The following FHL5 variants were observed in gnomAD, a reference collection of about 807,000 sequenced individuals.
FHL5 encodes four and a half LIM domains protein 5.
Under a neutral mutation model 32.0 loss-of-function variants are expected in FHL5, and 33 were observed. The ratio of observed to expected loss-of-function variants is 1.03; its 90% CI spans 0.78 to 1.38. The LOEUF (loss-of-function observed/expected upper bound fraction) is 1.38. Among genes scored for constraint, FHL5 ranks in the 40% most tolerant of loss-of-function variants. The pLI is 0.00. For synonymous variants in FHL5, 114 were observed against 113.6 expected, an observed-to-expected ratio of 1.00 and a Z score of -0.02; for missense variants, 336 against 343.9, an observed-to-expected ratio of 0.98 and a Z score of 0.18.
In FHL5 at chr6:96,618,619, A is replaced by G. The variant is rs1562069304; in HGVS notation, c.*2847A>G. Among the ~76,000 whole-genome samples the G allele has an allele frequency of 1.3e-5, 2 of 152,352 alleles. No individual in the cohort carries two copies. Among genetic ancestry groups the G allele is most frequent in the Non-Finnish European group, 2.9e-5 (2 of 68,028 alleles). ...AATAAGTTTGGTTAATGGCTACAAA[A>G]GTGAAAAGAAAGAGGAAGAAGGCAT... On this transcript the variant is annotated 3_prime_UTR_variant, in exon 6 of 6. Coordinates refer to ENST00000450218, the MANE Select transcript of FHL5 (RefSeq NM_001322466.2).
chr6:96,573,436 A>G (rs1454949502), intron 1 of FHL5, among the ~76,000 whole-genome samples: 3 of 152,128 alleles, frequency 2.0e-5, no homozygotes, highest in Admixed American at 1.3e-4. Flanking sequence ...GATTTCATTT[A>G]TAAAAATGAT....
At chr6:96,597,553 T>C (rs1467980470) in intron 1 of FHL5, among the ~76,000 whole-genome samples, 2 of 152,242 alleles carry the variant, frequency 1.3e-5, no homozygotes, top group Non-Finnish European at 2.9e-5. Flanking sequence ...AAGTCATCAA[T>C]GATTATATTT....
intron 1 of FHL5, among the ~76,000 whole-genome samples, chr6:96,572,833 G>A (rs1423906558): frequency 6.6e-6 from 1 of 152,198 alleles, no homozygotes; most frequent in Admixed American, 6.5e-5. Context: ...CCACTTGGGG[G>A]ATGGGATGGT....
chr6:96,592,591 T>C (rs1334739726), intron 1 of FHL5, among the ~76,000 whole-genome samples: 3 of 152,152 alleles, frequency 2.0e-5, no homozygotes, highest in Non-Finnish European at 4.4e-5. Context: ...AAAACAGGCA[T>C]AGGAAATCAC....
intron 1 of FHL5, among the ~76,000 whole-genome samples, chr6:96,574,164 G>T (rs57933707): frequency 0.017 from 2,512 of 152,096 alleles, 57 homozygotes; most frequent in African/African-American, 0.058. Flanking sequence ...ATGACTTCTA[G>T]TATTATTTTT....
chr6:96,566,926 G>A (rs1007565889), intron 1 of FHL5, among the ~76,000 whole-genome samples: 1 of 151,662 alleles, frequency 6.6e-6, no homozygotes, highest in African/African-American at 2.4e-5. Flanking sequence ...ACTTTCTCCT[G>A]TCCTGCAGGT....
rs1398362900 is a variant in FHL5 at position 96,594,251 on chromosome 6, ATATATATATATATATATATATATG to A, written c.-12-9347_-12-9324del. On this transcript the variant is annotated intron_variant, in intron 1 of 5. Transcript: ENST00000450218. ...TTTATATATATATATATATATATAT[ATATATATATATATATATATATATG>A]TATGTATGTATTTACTTCTTGAGGT... 5.2e-5 allele frequency among the ~76,000 whole-genome samples: 7 copies of A among 134,558 alleles called. 1 individual carries two copies. Among genetic ancestry groups the A allele is most frequent in the Admixed American group, 4.6e-4 (6 of 13,008 alleles). 88.3% of individuals were successfully genotyped at this position (134,558 alleles called of 152,430 possible). A position where few individuals can be genotyped will look rare whatever the true frequency, so the allele number is the denominator to read the frequency against.
At chr6:96,589,636 T>G (rs1210481491) in intron 1 of FHL5, among the ~76,000 whole-genome samples, 1 of 152,086 alleles carries the variant, frequency 6.6e-6, no homozygotes, top group African/African-American at 2.4e-5. Flanking sequence ...CTCTCTTTAC[T>G]CTTATTTGTG....
At chr6:96,577,931 C>T (rs935713974) in intron 1 of FHL5, among the ~76,000 whole-genome samples, 6 of 147,766 alleles carry the variant, frequency 4.1e-5, no homozygotes, top group Non-Finnish European at 7.4e-5. Flanking sequence ...AGTTTGTCAG[C>T]TTCTTCTTTC....
At chr6:96,592,926 C>T (rs1770952656) in intron 1 of FHL5, among the ~76,000 whole-genome samples, 1 of 152,076 alleles carries the variant, frequency 6.6e-6, no homozygotes, top group African/African-American at 2.4e-5. Flanking sequence ...AAATTTGGGG[C>T]ATGTATTTTG....
At chr6:96,582,612 G>A (rs553167411) in intron 1 of FHL5, among the ~76,000 whole-genome samples, 6 of 152,154 alleles carry the variant, frequency 3.9e-5, no homozygotes, top group Non-Finnish European at 5.9e-5. Flanking sequence ...TTGTTTCATG[G>A]GAGAGTAGTT....
At chr6:96,593,695 C>G (rs1420593103) in intron 1 of FHL5, among the ~76,000 whole-genome samples, 2 of 152,078 alleles carry the variant, frequency 1.3e-5, no homozygotes, top group African/African-American at 4.8e-5. Context: ...GCTTCTCAGA[C>G]TATTCATTTT....
intron 1 of FHL5, among the ~76,000 whole-genome samples, chr6:96,571,883 T>A (rs1362231324): frequency 1.3e-5 from 2 of 152,068 alleles, no homozygotes; most frequent in Non-Finnish European, 2.9e-5. Context: ...TCCCAGAATG[T>A]GTGGGGCCAA....
At chr6:96,568,468 C>A (rs1450575142) in intron 1 of FHL5, among the ~76,000 whole-genome samples, 9 of 151,826 alleles carry the variant, frequency 5.9e-5, no homozygotes, top group African/African-American at 2.2e-4. Context: ...CAAGGTAACA[C>A]TGGCCTCATA....
chr6:96,605,560 A>G (rs1771258370), intron 3 of FHL5, among the ~76,000 whole-genome samples: 1 of 152,078 alleles, frequency 6.6e-6, no homozygotes, highest in Admixed American at 6.6e-5. Context: ...CATTTTTAAT[A>G]CCCTTGTAAT....
At chr6:96,571,479 G>A (rs990925149) in intron 1 of FHL5, among the ~76,000 whole-genome samples, 49 of 152,162 alleles carry the variant, frequency 3.2e-4, no homozygotes, top group African/African-American at 1.1e-3. Flanking sequence ...TGGGTTCTAC[G>A]TGCAGTGATC....
At chr6:96,575,833 G>A (rs1382759886) in intron 1 of FHL5, among the ~76,000 whole-genome samples, 5 of 152,302 alleles carry the variant, frequency 3.3e-5, no homozygotes, top group East Asian at 1.9e-4. Context: ...AACAGAATAC[G>A]TCATAGATCT....
At chr6:96,586,799 A>T (rs1411642585) in intron 1 of FHL5, among the ~76,000 whole-genome samples, 2 of 152,214 alleles carry the variant, frequency 1.3e-5, no homozygotes, top group Non-Finnish European at 2.9e-5. Flanking sequence ...CTGACTAAAA[A>T]AAAATAAGAT....
chr6:96,564,574 A>G (rs1356199968), intron 1 of FHL5, among the ~76,000 whole-genome samples: 1 of 151,940 alleles, frequency 6.6e-6, no homozygotes, highest in Admixed American at 6.5e-5. Flanking sequence ...AAGCTGAATT[A>G]ATCTGTGTTT....
Sources: allele counts gnomAD v4.1 joint callset (sites outside exome capture counted in the v4.1 genomes callset), GRCh38; gene constraint gnomAD v4.1.1; transcripts MANE v1.5; gene names NCBI Gene and HGNC (gene_info 2026-07-23, HGNC 2026-07-21).